Variants in MYO3A observed in about 807,000 individuals in gnomAD.
MYO3A encodes the protein myosin-IIIa.
In MYO3A, 180 loss-of-function variants were observed where a neutral mutation model predicts 192.7. The ratio of observed to expected loss-of-function variants is 0.93; its 90% confidence interval spans 0.83 to 1.06. The LOEUF (loss-of-function observed/expected upper bound fraction) is 1.06. MYO3A is among the 50% of genes least tolerant of loss of function. MYO3A has a pLI of 0.00. For synonymous variants in MYO3A, 628 were observed against 645.3 expected, an observed-to-expected ratio of 0.97 and a Z score of 0.41; for missense variants, 1,896 against 1,905.0, an observed-to-expected ratio of 1.00 and a Z score of 0.09.
In MYO3A at chr10:25,997,181, AC is replaced by A; in HGVS notation, c.432del (p.Asn144LysfsTer8). On this transcript the variant is annotated frameshift_variant, in exon 6 of 35. Transcript: ENST00000642920. LOFTEE classifies it high-confidence loss of function. Reference sequence around the variant, plus strand: ...TAGGGACTTCAACATTTGCATAACAACAAAACTATCCACAGAGATGTGAAAG... The same window carrying A: ...TAGGGACTTCAACATTTGCATAACAAAAAACTATCCACAGAGATGTGAAAG... Reference protein sequence around the residue: ...ALMGLQHLHNNKTIHRDVKGN... With the variant: ...ALMGLQHLHNXKTIHRDVKGN... 6.2e-7 allele frequency: 1 copy of A among 1,613,430 alleles called. No homozygotes were observed. Among genetic ancestry groups the A allele is most frequent in the Non-Finnish European group, 8.5e-7 (1 of 1,179,490 alleles).
chr10:25,996,502 G>A lies in MYO3A; in HGVS notation c.316G>A (p.Gly106Arg). ...TATTCTTGTTTAGCTCTGCAGTGGA[G>A]GATCAGTGACTGACCTTGTGAAAGG... ...LWLVLELCSG[G>R]SVTDLVKGFL... The change falls in exon 5 of 35, where the codon GGA becomes AGA. Residue 106 changes from glycine to arginine, a missense_variant. Gly to Arg is a moderately radical substitution (Grantham distance 125). Coordinates refer to ENST00000642920, the MANE Select transcript of MYO3A (RefSeq NM_017433.5). 1 of 1,613,592 alleles carries A rather than the reference G, an allele frequency of 6.2e-7. No homozygotes were observed. Among genetic ancestry groups the A allele is most frequent in the South Asian group, 1.1e-5 (1 of 91,058 alleles).
chr10:25,966,154 G>A (rs936944515), intron 4 of MYO3A, among the ~76,000 whole-genome samples: 2 of 152,016 alleles, frequency 1.3e-5, no homozygotes, highest in African/African-American at 2.4e-5. Context: ...TCTTGCCCCC[G>A]CTCCCTGGTT....
chr10:26,052,826 A>G (rs1255025512), intron 10 of MYO3A, among the ~76,000 whole-genome samples: 4 of 146,502 alleles, frequency 2.7e-5, no homozygotes, highest in African/African-American at 7.4e-5. Flanking sequence ...AGGCAACAAT[A>G]GTTGTTTTTT....
At chr10:26,012,882 A>C (rs1451241608) in intron 6 of MYO3A, among the ~76,000 whole-genome samples, 1 of 152,198 alleles carries the variant, frequency 6.6e-6, no homozygotes, top group African/African-American at 2.4e-5. Flanking sequence ...TTATACTACA[A>C]GGCTGTAATT....
chr10:25,966,767 A>C (rs1482500403), intron 4 of MYO3A, among the ~76,000 whole-genome samples: 2 of 152,200 alleles, frequency 1.3e-5, no homozygotes, highest in Non-Finnish European at 2.9e-5. Flanking sequence ...ACTCTATCAG[A>C]GGTTCTCAAA....
Position 26,174,034 on chromosome 10 carries a change from A to T in MYO3A, c.3770A>T (p.Tyr1257Phe). ...AATTGTGAAGAGTCAAAAGCAGCAT[A>T]TCTAGAAAGGAAGGCCATATCAGAA... ...ERNCEESKAA[Y>F]LERKAISERP... Residue 1257 changes from tyrosine to phenylalanine, a missense_variant, in exon 30 of 35, where the codon TAT becomes TTT. By Grantham distance (22) the Tyr-to-Phe change is conservative (BLOSUM62 3). Transcript: ENST00000642920. 1 of 1,613,442 alleles carries T rather than the reference A, an allele frequency of 6.2e-7. No homozygotes were observed. Among genetic ancestry groups the T allele is most frequent in the Non-Finnish European group, 8.5e-7 (1 of 1,179,914 alleles).
At chr10:26,049,286 AGT>A (rs1843824466) in intron 10 of MYO3A, among the ~76,000 whole-genome samples, 1 of 152,190 alleles carries the variant, frequency 6.6e-6, no homozygotes, top group Non-Finnish European at 1.5e-5. Flanking sequence ...AAAGAGCCTC[AGT>A]TGAAGGGTAT....
At chr10:25,934,833 G>A (rs1463703341) in intron 1 of MYO3A, among the ~76,000 whole-genome samples, 1 of 151,974 alleles carries the variant, frequency 6.6e-6, no homozygotes, top group African/African-American at 2.4e-5. Flanking sequence ...TGAACGTGAA[G>A]TGGAAACAGG....
rs1272912955 is a variant in MYO3A, at chr10:26,088,253, A to G, written c.1410A>G (p.Val470=). The G allele has an allele frequency of 1.2e-6, 2 of 1,613,470 alleles. No individual in the cohort carries two copies. The highest frequency in any genetic ancestry group is 1.7e-5 in the Admixed American group (1 of 60,030). The part of the protein sequence containing the change: ...QEKILQVNNL[V]EAFGNACTII... The stretch of plus-strand genomic sequence containing the variant: ...AGATTTTACAAGTGAACAATTTGGT[A>G]GAAGCCTTTGGCAATGCCTGCACTA... The change falls in exon 15 of 35, where the codon GTA becomes GTG. Residue 470 remains valine, a synonymous_variant. Transcript: ENST00000642920.
chr10:26,118,420 T>A (rs1358302878), intron 17 of MYO3A, among the ~76,000 whole-genome samples: 1 of 152,194 alleles, frequency 6.6e-6, no homozygotes, highest in African/African-American at 2.4e-5. Context: ...ATCCATTTAC[T>A]TCTTTCCATC....
chr10:26,047,115 C>A (rs894449242), intron 10 of MYO3A, among the ~76,000 whole-genome samples: 1 of 152,218 alleles, frequency 6.6e-6, no homozygotes, highest in South Asian at 2.1e-4. Flanking sequence ...AATATTTGTA[C>A]ATTTTCTTGT....
Position 26,088,363 on chromosome 10 carries a change from C to A in MYO3A, c.1520C>A (p.Ser507Tyr), listed in dbSNP as rs1416994356. Residue 507 changes from serine to tyrosine, a missense_variant, in exon 15 of 35, where the codon TCT (serine) becomes TAT (tyrosine). Physicochemically the swap from Ser to Tyr is moderately radical, Grantham distance 144. Transcript: ENST00000642920. The stretch of plus-strand genomic sequence containing the variant: ...GGAGCGGTAGTGGGAGCACAGATTT[C>A]TGAATATCTCCTGGAAAAATCCCGA... ...SSGAVVGAQI[S>Y]EYLLEKSRVI... The A allele has an allele frequency of 1.2e-6, 2 of 1,613,946 alleles. No homozygotes were observed. Among genetic ancestry groups the A allele is most frequent in the South Asian group, 2.2e-5 (2 of 91,078 alleles).
chr10:26,014,162 C>G (rs1841838676), intron 6 of MYO3A, among the ~76,000 whole-genome samples: 1 of 151,976 alleles, frequency 6.6e-6, no homozygotes, highest in Non-Finnish European at 1.5e-5. Flanking sequence ...AAAAAACTAC[C>G]TCTTAGGTAC....
At chr10:26,205,946 G>C (rs1341421839) in intron 34 of MYO3A, among the ~76,000 whole-genome samples, 2 of 151,056 alleles carry the variant, frequency 1.3e-5, no homozygotes, top group Non-Finnish European at 3.0e-5. Context: ...AAGGCAGAAG[G>C]GTATTCCATT....
chr10:26,041,866 A>G (rs1843367573), intron 10 of MYO3A, among the ~76,000 whole-genome samples: 1 of 152,042 alleles, frequency 6.6e-6, no homozygotes, highest in Non-Finnish European at 1.5e-5. Context: ...CCATAGTTAC[A>G]GTATTATAAT....
chr10:26,093,613 T>A (rs1008493925), intron 15 of MYO3A, among the ~76,000 whole-genome samples: 3 of 152,220 alleles, frequency 2.0e-5, no homozygotes, highest in African/African-American at 7.2e-5. Context: ...GTTTTAGATT[T>A]ATCCATCCAG....
chr10:25,990,199 GT>G (rs1839923390), intron 4 of MYO3A, among the ~76,000 whole-genome samples: 1 of 152,044 alleles, frequency 6.6e-6, no homozygotes, highest in Non-Finnish European at 1.5e-5. Context: ...TATTCTCCCT[GT>G]TTTGGGTGTG....
At chr10:26,094,765 C>A in intron 15 of MYO3A, among the ~76,000 whole-genome samples, 1 of 152,174 alleles carries the variant, frequency 6.6e-6, no homozygotes, top group East Asian at 1.9e-4. Flanking sequence ...AAATTTCCAT[C>A]TACACTGAGA....
At chr10:26,138,401 G>A (rs1406518241) in intron 20 of MYO3A, among the ~76,000 whole-genome samples, 1 of 152,130 alleles carries the variant, frequency 6.6e-6, no homozygotes, top group Admixed American at 6.5e-5. Context: ...TCTTCCAACT[G>A]TATTTTTTAT....
Sources: gnomAD v4.1 joint callset for allele counts (sites outside exome capture counted in the v4.1 genomes callset) on GRCh38, gnomAD v4.1.1 for gene constraint, MANE v1.5 for transcripts, NCBI Gene and HGNC (gene_info 2026-07-23, HGNC 2026-07-21) for gene names.